ZBTB20: variants seen among roughly 807,000 people sequenced by gnomAD.
The protein encoded by ZBTB20 is zinc finger and BTB domain containing 20.
Under a neutral mutation model 56.9 loss-of-function variants are expected in ZBTB20, and 9 were observed. The observed-to-expected ratio is 0.16, with a 90% confidence interval of 0.10 to 0.28. ZBTB20 has a LOEUF of 0.28. Ranked by LOEUF, ZBTB20 falls within the 10% of genes least tolerant of loss-of-function variation. The pLI, the probability that ZBTB20 is intolerant of heterozygous loss-of-function variation, is 1.00. For missense variants in ZBTB20, 655 were observed against 1,003.0 expected (o/e 0.65, Z 4.69); for synonymous variants, 417 against 420.7 (o/e 0.99, Z 0.11).
rs933885165 is a variant in ZBTB20, at chr3:114,766,853, T to C, written c.-343+34248A>G. 2.0e-5 allele frequency among the ~76,000 whole-genome samples: 3 copies of C among 152,160 alleles called. No individual in the cohort carries two copies. The East Asian group carries it at 5.8e-4, about 29-fold the overall frequency. On this transcript the variant is annotated intron_variant, in intron 5 of 11. Transcript: ENST00000675478. ...ATTTTTAACTGACAACAGAAATCCA[T>C]GATAACATAATCACCTTTTTCTTTC...
intron 1 of ZBTB20, among the ~76,000 whole-genome samples, chr3:115,105,274 GCCTAACAATTAC>G (rs201769231): frequency 0.019 from 2,945 of 152,172 alleles, 102 homozygotes; most frequent in African/African-American, 0.067. Flanking sequence ...ACTCTTTAAA[GCCTAACAATTAC>G]CCTATAATGT....
intron 2 of ZBTB20, among the ~76,000 whole-genome samples, chr3:115,050,565 A>G (rs1041388924): frequency 3.9e-5 from 6 of 152,048 alleles, no homozygotes; most frequent in Admixed American, 3.9e-4. Flanking sequence ...ATAAATTATG[A>G]TACTTTAAAG....
intron 7 of ZBTB20, among the ~76,000 whole-genome samples, chr3:114,440,725 A>C (rs979216536): frequency 5.9e-5 from 9 of 152,166 alleles, no homozygotes; most frequent in African/African-American, 2.2e-4. Context: ...ACTGTCTTGG[A>C]CCCTTCTCTC....
At chr3:114,475,419 A>G (rs1319896589) in intron 7 of ZBTB20, among the ~76,000 whole-genome samples, 2 of 152,196 alleles carry the variant, frequency 1.3e-5, no homozygotes, top group African/African-American at 2.4e-5. Flanking sequence ...TTCTAGGGCA[A>G]GACATGTCTT....
At chr3:115,122,749 C>G (rs2084219069) in intron 1 of ZBTB20, among the ~76,000 whole-genome samples, 1 of 152,080 alleles carries the variant, frequency 6.6e-6, no homozygotes, top group South Asian at 2.1e-4. Flanking sequence ...TAATACATTT[C>G]TATGCATTAT....
At position 114,499,856 on chromosome 3, in the gene ZBTB20, A is replaced by C. The variant is rs373592334; in HGVS notation, c.-255+496T>G. 3.3e-5 allele frequency among the ~76,000 whole-genome samples: 5 copies of C among 152,118 alleles called. No individual in the cohort carries two copies. In the East Asian group the frequency reaches 9.6e-4, roughly 29 times the overall value. ...CTGTAGACTTCATAATTTTGCACAA[A>C]AGTTTAGTCTATTTATTTTACAGTC... On this transcript the variant is annotated intron_variant, in intron 7 of 11. Coordinates refer to ENST00000675478, the MANE Select transcript of ZBTB20 (RefSeq NM_001348800.3).
intron 5 of ZBTB20, among the ~76,000 whole-genome samples, chr3:114,746,328 C>T (rs2067038782): frequency 1.3e-5 from 2 of 151,968 alleles, no homozygotes; most frequent in South Asian, 2.1e-4. Flanking sequence ...AATCTTTTTT[C>T]CCCCATTCCC....
At chr3:114,399,080 T>A in intron 7 of ZBTB20, among the ~76,000 whole-genome samples, 1 of 152,172 alleles carries the variant, frequency 6.6e-6, no homozygotes, top group East Asian at 1.9e-4. Flanking sequence ...TTAGATGTTA[T>A]CTGAAGTTGG....
intron 2 of ZBTB20, among the ~76,000 whole-genome samples, chr3:115,006,250 T>C (rs1256656220): frequency 1.3e-5 from 2 of 151,506 alleles, no homozygotes; most frequent in African/African-American, 4.8e-5. Context: ...GTTTGCTTGT[T>C]TGTTTGTTTG....
chr3:114,483,272 T>C (rs1211798493), intron 7 of ZBTB20, among the ~76,000 whole-genome samples: 3 of 152,106 alleles, frequency 2.0e-5, no homozygotes, highest in Non-Finnish European at 4.4e-5. Flanking sequence ...TCTTTCATGA[T>C]ACACAAAAAG....
chr3:114,441,309 A>T (rs1032082671), intron 7 of ZBTB20, among the ~76,000 whole-genome samples: 2 of 152,168 alleles, frequency 1.3e-5, no homozygotes, highest in Non-Finnish European at 2.9e-5. Flanking sequence ...CATTGCTGAC[A>T]AATTAGTTAT....
chr3:114,622,034 T>C (rs1436511336), intron 6 of ZBTB20, among the ~76,000 whole-genome samples: 1 of 152,236 alleles, frequency 6.6e-6, no homozygotes, highest in Non-Finnish European at 1.5e-5. Flanking sequence ...TCTTAAATAT[T>C]TGTTTTCACC....
In ZBTB20 at chr3:114,467,323, G is replaced by T. The variant is rs191503811; in HGVS notation, c.-255+33029C>A. Among the ~76,000 whole-genome samples the T allele has an allele frequency of 1.5e-3, 231 of 152,280 alleles. 1 individual carries two copies. Among genetic ancestry groups the T allele is most frequent in the Middle Eastern group, 0.01 (3 of 294 alleles). On this transcript the variant is annotated intron_variant, in intron 7 of 11. Coordinates refer to ENST00000675478, the MANE Select transcript of ZBTB20 (RefSeq NM_001348800.3). ...TCATGAAACTGTCCACAGATTTCAA[G>T]AATGCAGTGAGGAGAGAAAGACAGA... is the stretch of plus-strand genomic sequence containing the variant.
At chr3:114,433,738 A>C (rs1214946436) in intron 7 of ZBTB20, among the ~76,000 whole-genome samples, 2 of 152,312 alleles carry the variant, frequency 1.3e-5, no homozygotes, top group Admixed American at 6.5e-5. Context: ...CTCTAGTATA[A>C]GACAGTATGT....
At position 114,461,362 on chromosome 3, in the gene ZBTB20, G is replaced by A. The variant is rs553461686; in HGVS notation, c.-255+38990C>T. On this transcript the variant is annotated intron_variant, in intron 7 of 11. Transcript: ENST00000675478. ...TCACCGAGGCTGGAGTGCACTGGTG[G>A]TGTGATCACAGCTCACTGCAACCTC... 7.2e-5 allele frequency among the ~76,000 whole-genome samples: 11 copies of A among 151,844 alleles called. No homozygotes were observed. The South Asian group carries it at 2.3e-3, about 32-fold the overall frequency.
intron 7 of ZBTB20, among the ~76,000 whole-genome samples, chr3:114,494,769 A>C (rs1288318245): frequency 6.6e-6 from 1 of 152,168 alleles, no homozygotes; most frequent in Non-Finnish European, 1.5e-5. Context: ...CAGCAAACCC[A>C]TTTCCTCTTT....
chr3:115,043,408 A>G (rs546660253), intron 2 of ZBTB20, among the ~76,000 whole-genome samples: 104 of 151,190 alleles, frequency 6.9e-4, no homozygotes, highest in Non-Finnish European at 1.1e-3. Context: ...AAAACTAAAA[A>G]AAAAAAAAAA....
intron 6 of ZBTB20, among the ~76,000 whole-genome samples, chr3:114,624,462 T>A (rs767363585): frequency 6.6e-6 from 1 of 151,156 alleles, no homozygotes; most frequent in Non-Finnish European, 1.5e-5. Flanking sequence ...CTCCTGAAAC[T>A]ACCTCCCTCA....
chr3:115,111,886 C>T (rs1185426674), intron 1 of ZBTB20, among the ~76,000 whole-genome samples: 1 of 152,026 alleles, frequency 6.6e-6, no homozygotes, highest in Non-Finnish European at 1.5e-5. Context: ...GAATATCAAC[C>T]CTAGCTTTAG....
Sources: gnomAD v4.1 joint callset for allele counts (sites outside exome capture counted in the v4.1 genomes callset) on GRCh38, gnomAD v4.1.1 for gene constraint, MANE v1.5 for transcripts, NCBI Gene and HGNC (gene_info 2026-07-23, HGNC 2026-07-21) for gene names.